The following CDH26 variants were observed in gnomAD, a reference collection of about 807,000 sequenced individuals.
The protein encoded by CDH26 is cadherin-like protein 26.
Under a neutral mutation model 90.3 loss-of-function variants are expected in CDH26, and 83 were observed. The observed-to-expected ratio is 0.92, with a 90% CI of 0.77 to 1.10. The LOEUF is 1.10. Ranked by LOEUF, CDH26 falls within the 50% of genes least tolerant of loss-of-function variation. The pLI is 0.00. For missense variants in CDH26, 1,013 were observed against 1,037.6 expected, an observed-to-expected ratio of 0.98 and a Z score of 0.33; for synonymous variants, 397 against 396.3, an observed-to-expected ratio of 1.00 and a Z score of -0.02.
rs375521491 is a variant in CDH26, at chr20:60,001,372, G to A, written c.2127G>A (p.Ala709=). Residue 709 remains alanine, a synonymous_variant, in exon 15 of 18, where the codon GCG becomes GCA. Transcript: ENST00000348616. Reference sequence around the variant, plus strand: ...TCGAGGAAGTGCCTCCATCTGCAGCGAGTCAGTCAGCCCAAGCACGCTGTG... The same window carrying A: ...TCGAGGAAGTGCCTCCATCTGCAGCAAGTCAGTCAGCCCAAGCACGCTGTG... ...KDLEEVPPSA[A]SQSAQARCAL... 137 of 1,613,878 alleles carry A rather than the reference G, an allele frequency of 8.5e-5. 2 individuals carry two copies. Among genetic ancestry groups the A allele is most frequent in the South Asian group, 4.0e-4 (36 of 91,074 alleles).
intron 4 of CDH26, among the ~76,000 whole-genome samples, chr20:59,973,838 C>A (rs991931174): frequency 3.3e-5 from 5 of 152,156 alleles, no homozygotes; most frequent in Admixed American, 1.3e-4. Flanking sequence ...TACTGTGAAT[C>A]CTGCTGCAAT....
At position 60,013,343 on chromosome 20, in the gene CDH26, A is replaced by G. The variant is rs1344034943; in HGVS notation, c.*613A>G. 5 of 152,248 alleles carry G rather than the reference A, an allele frequency of 3.3e-5. No homozygotes were observed. Among genetic ancestry groups the G allele is most frequent in the Non-Finnish European group, 7.3e-5 (5 of 68,050 alleles). 9.4% of individuals were successfully genotyped at this position (152,248 alleles called of 1,614,324 possible). ...ATACTCTTTAAAAAATGAAGAGCTG[A>G]CATAATTTAACTTGTATGTATTATG... On this transcript the variant is annotated 3_prime_UTR_variant, in exon 18 of 18. Transcript: ENST00000348616.
intron 1 of CDH26, among the ~76,000 whole-genome samples, chr20:59,959,016 C>G (rs1031952853): frequency 2.0e-5 from 3 of 152,184 alleles, no homozygotes; most frequent in Non-Finnish European, 4.4e-5. Flanking sequence ...TGGGAGCAGG[C>G]TAAGGGACCT....
At chr20:60,000,998 A>G (rs1410526621) in intron 14 of CDH26, among the ~76,000 whole-genome samples, 1 of 152,192 alleles carries the variant, frequency 6.6e-6, no homozygotes, top group Non-Finnish European at 1.5e-5. Context: ...CCACAATCCC[A>G]TCCCTGAATC....
chr20:59,958,851 A>G, intron 1 of CDH26, 56 bp downstream of exon 1: 10 of 1,553,386 alleles, frequency 6.4e-6, no homozygotes, highest in South Asian at 3.4e-5. Flanking sequence ...GCAAAGCACA[A>G]GCTGGCCCTG....
chr20:60,023,200 C>T (rs937773173), intron 7 of CDH26, among the ~76,000 whole-genome samples: 10 of 152,208 alleles, frequency 6.6e-5, no homozygotes, highest in Non-Finnish European at 1.5e-5. Context: ...GCCTGTGCAC[C>T]AGGGAGCCCT....
chr20:59,967,941 T>C lies in CDH26; in HGVS notation c.70-1026T>C, dbSNP rs2061189176. 1.8e-5 allele frequency among the ~76,000 whole-genome samples: 2 copies of C among 111,908 alleles called. 1 individual carries two copies. The highest frequency in any genetic ancestry group is 1.0e-4 in the African/African-American group (2 of 19,802). The allele number at this position is 111,908 out of a possible 152,430, so 73.4% of individuals were successfully genotyped here. ...TTCCTTTCCTTTCCTTTCCCTTTCT[T>C]TCTTTCTTTCTTTCTATCTTTCTTT... On this transcript the variant is annotated intron_variant, in intron 1 of 17. Transcript: ENST00000348616.
intron 4 of CDH26, among the ~76,000 whole-genome samples, chr20:59,981,178 CTT>C (rs2061391332): frequency 1.3e-5 from 2 of 152,180 alleles, no homozygotes; most frequent in South Asian, 4.1e-4. Context: ...AGTCCTCTAA[CTT>C]TGTGTTTCTT....
intron 8 of CDH26, 32 bp from the exon 9 acceptor site, chr20:59,988,872 G>A (rs755601494): frequency 3.1e-6 from 5 of 1,607,918 alleles, no homozygotes; most frequent in Admixed American, 1.7e-5. Context: ...GGAGCAGCAG[G>A]TGCTAATGAA....
chr20:59,968,847 A>T (rs1046875538), intron 1 of CDH26, 120 bp from the exon 2 acceptor site: 1 of 482,510 alleles, frequency 2.1e-6, no homozygotes, highest in Non-Finnish European at 3.7e-6. Context: ...ATTTACCAAA[A>T]CTAACTACAG....
chr20:60,025,047 G>A (rs1252230086), intron 7 of CDH26, among the ~76,000 whole-genome samples: 1 of 152,188 alleles, frequency 6.6e-6, no homozygotes, highest in African/African-American at 2.4e-5. Context: ...CATCCACAGT[G>A]GAATCCTGTG....
intron 5 of CDH26, among the ~76,000 whole-genome samples, chr20:59,984,414 A>G (rs1422270455): frequency 6.6e-6 from 1 of 152,242 alleles, no homozygotes; most frequent in African/African-American, 2.4e-5. Context: ...TGATCCACCA[A>G]TGTAAGTCTT....
chr20:60,021,636 C>T (rs951096789), intron 7 of CDH26, among the ~76,000 whole-genome samples: 11 of 152,122 alleles, frequency 7.2e-5, no homozygotes, highest in African/African-American at 2.7e-4. Flanking sequence ...AAAATGTCAG[C>T]AGTTTTGCTT....
At position 60,002,826 on chromosome 20, in the gene CDH26, C is replaced by A. The variant is rs763273410; in HGVS notation, c.2180C>A (p.Pro727His). 6.2e-7 allele frequency: 1 copy of A among 1,600,440 alleles called. No individual in the cohort carries two copies. The highest frequency in any genetic ancestry group is 1.1e-5 in the South Asian group (1 of 88,338). The change falls in exon 16 of 18, where the codon CCC (proline) becomes CAC (histidine). Residue 727 changes from proline to histidine, a missense_variant. Transcript: ENST00000348616. ...TCTTTCTTTAAGGGTTATGGCAAGC[C>A]CTTTGAGCCAAGAAGTGTGAAAAAC... ...CALGSWGYGK[P>H]FEPRSVKNIH... is the part of the protein sequence containing the mutation.
chr20:59,984,908 T>C lies in CDH26; in HGVS notation c.709-93T>C, dbSNP rs531813212. The stretch of plus-strand genomic sequence containing the variant: ...TAGTGGGGAACCCTCTGTGGCTAGA[T>C]TTGCTATTGAAATTCCTAAACAGAA... On this transcript the variant is annotated intron_variant, in intron 6 of 17. Transcript: ENST00000348616. The C allele has an allele frequency of 1.9e-6, 3 of 1,564,606 alleles. No homozygotes were observed. The East Asian group carries it at 6.8e-5, about 36-fold the overall frequency.
intron 1 of CDH26, among the ~76,000 whole-genome samples, chr20:59,962,008 T>C (rs2061081955): frequency 6.6e-6 from 1 of 152,182 alleles, no homozygotes; most frequent in South Asian, 2.1e-4. Flanking sequence ...ATTGTTAGCA[T>C]TTATGCTCTG....
exon 8 of CDH26, chr20:60,031,363 C>A: frequency 7.8e-7 from 1 of 1,279,328 alleles, no homozygotes; most frequent in South Asian, 1.3e-5. Flanking sequence ...GACTGGTAAA[C>A]GGAAACACGG....
At chr20:59,984,520 T>G in intron 5 of CDH26, 119 bp from the exon 6 acceptor site, 2 of 693,328 alleles carry the variant, frequency 2.9e-6, no homozygotes, top group Non-Finnish European at 4.8e-6. Context: ...TATTTTATAT[T>G]TAAACATTCC....
chr20:60,006,175 A>G (rs539538710), intron 16 of CDH26, among the ~76,000 whole-genome samples: 3 of 152,288 alleles, frequency 2.0e-5, no homozygotes, highest in South Asian at 4.1e-4. Flanking sequence ...AGCCTGACTC[A>G]CATGATTTAG....
Sources: allele counts gnomAD v4.1 joint callset (sites outside exome capture counted in the v4.1 genomes callset), GRCh38; gene constraint gnomAD v4.1.1; transcripts MANE v1.5; gene names NCBI Gene and HGNC (gene_info 2026-07-23, HGNC 2026-07-21).